Variants in SH3RF3 observed in about 807,000 individuals in gnomAD.
SH3RF3 encodes the protein E3 ubiquitin-protein ligase SH3RF3.
Under a neutral mutation model 66.3 loss-of-function variants are expected in SH3RF3, and 29 were observed. The ratio of observed to expected loss-of-function variants is 0.44; its 90% CI spans 0.33 to 0.60. SH3RF3 has a LOEUF of 0.60. Ranked by LOEUF, SH3RF3 falls within the 20% of genes least tolerant of loss-of-function variation. The pLI is 0.04. For missense variants in SH3RF3, 1,194 were observed against 1,190.9 expected, an observed-to-expected ratio of 1.00 and a Z score of -0.04; for synonymous variants, 583 against 532.0, an observed-to-expected ratio of 1.10 and a Z score of -1.32.
intron 1 of SH3RF3, among the ~76,000 whole-genome samples, chr2:109,277,763 T>C (rs1472134100): frequency 1.3e-5 from 2 of 152,196 alleles, no homozygotes; most frequent in Admixed American, 6.5e-5. Flanking sequence ...TGTGTAGGTT[T>C]TGGGAAATGA....
At position 109,437,155 on chromosome 2, in the gene SH3RF3, A is replaced by T; in HGVS notation, c.1828+9A>T. ...GAGCACCATTTCAACAGGTACCTTC[A>T]CAGGGGCCTCACCCTGCAGGGCATC... is the stretch of plus-strand genomic sequence containing the variant. On this transcript the variant is annotated intron_variant, in intron 7 of 9. Coordinates refer to ENST00000309415, the MANE Select transcript of SH3RF3 (RefSeq NM_001099289.3). The T allele has an allele frequency of 6.2e-7, 1 of 1,604,298 alleles. No homozygotes were observed. Among genetic ancestry groups the T allele is most frequent in the African/African-American group, 1.3e-5 (1 of 74,902 alleles).
At chr2:109,376,603 G>A (rs1477477861) in intron 3 of SH3RF3, among the ~76,000 whole-genome samples, 1 of 152,196 alleles carries the variant, frequency 6.6e-6, no homozygotes, top group Non-Finnish European at 1.5e-5. Context: ...GACAACATCG[G>A]TTGTCCAGGT....
At position 109,292,516 on chromosome 2, in the gene SH3RF3, C is replaced by G. The variant is rs1057251112; in HGVS notation, c.574-55158C>G. ...TCCCATGATTTCTGTAACTGTTCACCTATCCGACGTTTAGCTTGTTCCAGT... is the reference window on the plus strand; with the variant it reads ...TCCCATGATTTCTGTAACTGTTCACGTATCCGACGTTTAGCTTGTTCCAGT... On this transcript the variant is annotated intron_variant, in intron 1 of 9. Transcript: ENST00000309415. Among the ~76,000 whole-genome samples, 2 of 152,196 alleles carry G rather than the reference C, an allele frequency of 1.3e-5. 1 individual carries two copies. The highest frequency in any genetic ancestry group is 1.3e-4 in the Admixed American group (2 of 15,280).
intron 7 of SH3RF3, 77 bp from the exon 8 acceptor site, chr2:109,449,093 G>A: frequency 6.7e-7 from 1 of 1,499,286 alleles, no homozygotes; most frequent in Non-Finnish European, 9.0e-7. Flanking sequence ...GCCTGAGTGT[G>A]CATTGCAGCT....
Position 109,502,817 on chromosome 2 carries a change from A to C in SH3RF3, c.*1146A>C, listed in dbSNP as rs977981751. The C allele has an allele frequency of 6.6e-6, 1 of 152,234 alleles. No homozygotes were observed. Among genetic ancestry groups the C allele is most frequent in the Non-Finnish European group, 1.5e-5 (1 of 68,042 alleles). The allele number at this position is 152,234 out of a possible 1,614,324, so 9.4% of individuals were successfully genotyped here. The stretch of plus-strand genomic sequence containing the variant: ...GAGAACTGCAATTAGCATTCTCAGA[A>C]GATGATTTCTTGGTATCAAAATGTG... On this transcript the variant is annotated 3_prime_UTR_variant, in exon 10 of 10. Transcript: ENST00000309415.
At chr2:109,147,711 C>A (rs1251486365) in intron 1 of SH3RF3, among the ~76,000 whole-genome samples, 1 of 152,104 alleles carries the variant, frequency 6.6e-6, no homozygotes, top group Non-Finnish European at 1.5e-5. Context: ...GGTCTTAGGG[C>A]ACTTTGGTTT....
intron 1 of SH3RF3, among the ~76,000 whole-genome samples, chr2:109,251,158 A>G (rs985492519): frequency 7.9e-5 from 12 of 151,960 alleles, no homozygotes; most frequent in African/African-American, 2.9e-4. Flanking sequence ...ATCTGCCACC[A>G]TGCCTGGCTA....
intron 1 of SH3RF3, among the ~76,000 whole-genome samples, chr2:109,185,067 G>T (rs758753706): frequency 6.6e-6 from 1 of 152,150 alleles, no homozygotes; most frequent in Non-Finnish European, 1.5e-5. Context: ...GATTCCCTTT[G>T]TTGGGGCTGT....
intron 1 of SH3RF3, among the ~76,000 whole-genome samples, chr2:109,200,371 G>C (rs1166272846): frequency 2.0e-5 from 3 of 152,090 alleles, no homozygotes; most frequent in Admixed American, 2.0e-4. Context: ...GGGGTTGCCT[G>C]TGGTTTTCTG....
chr2:109,184,077 G>C (rs1678130373), intron 1 of SH3RF3, among the ~76,000 whole-genome samples: 1 of 152,210 alleles, frequency 6.6e-6, no homozygotes, highest in African/African-American at 2.4e-5. Flanking sequence ...CTGTGAACGT[G>C]GGGTGTTGAG....
intron 3 of SH3RF3, among the ~76,000 whole-genome samples, chr2:109,383,814 A>G (rs1675755356): frequency 6.6e-6 from 1 of 152,114 alleles, no homozygotes; most frequent in African/African-American, 2.4e-5. Flanking sequence ...CATCAGCCGC[A>G]TTTTCCAGAC....
intron 1 of SH3RF3, among the ~76,000 whole-genome samples, chr2:109,249,577 TTCC>T (rs1261815662): frequency 0.012 from 1,537 of 132,986 alleles, 72 homozygotes; most frequent in African/African-American, 0.044. Flanking sequence ...CCTTCCTTCC[TTCC>T]TTCCTTTCCT....
chr2:109,399,237 C>T (rs543023704), intron 4 of SH3RF3, among the ~76,000 whole-genome samples: 4 of 152,248 alleles, frequency 2.6e-5, no homozygotes, highest in East Asian at 3.9e-4. Context: ...AGCTTTTCCC[C>T]GTGTCAGTCG....
chr2:109,427,266 G>C (rs1194041030), intron 5 of SH3RF3, among the ~76,000 whole-genome samples: 1 of 152,074 alleles, frequency 6.6e-6, no homozygotes, highest in Admixed American at 6.5e-5. Flanking sequence ...ACCGTGCCTG[G>C]ACAAAGAAAA....
intron 3 of SH3RF3, among the ~76,000 whole-genome samples, chr2:109,373,349 T>C (rs1305806651): frequency 6.6e-6 from 1 of 152,192 alleles, no homozygotes; most frequent in Admixed American, 6.5e-5. Flanking sequence ...ATACCCAACA[T>C]ATACATGAAT....
intron 1 of SH3RF3, among the ~76,000 whole-genome samples, chr2:109,212,579 G>A (rs1287089119): frequency 6.6e-6 from 1 of 152,204 alleles, no homozygotes; most frequent in African/African-American, 2.4e-5. Flanking sequence ...TTGAGGAGAA[G>A]TCGGCTGACC....
intron 7 of SH3RF3, among the ~76,000 whole-genome samples, chr2:109,443,032 C>T (rs1677612264): frequency 2.0e-5 from 3 of 152,238 alleles, no homozygotes; most frequent in African/African-American, 4.8e-5. Flanking sequence ...ACAAGTTATA[C>T]ACATTCTCAT....
chr2:109,434,228 G>A (rs1677335331), intron 6 of SH3RF3, among the ~76,000 whole-genome samples: 1 of 152,230 alleles, frequency 6.6e-6, no homozygotes, highest in Non-Finnish European at 1.5e-5. Context: ...CCACACCTCT[G>A]GGCTCGCCCG....
intron 5 of SH3RF3, among the ~76,000 whole-genome samples, chr2:109,423,994 C>T (rs887399766): frequency 3.9e-5 from 6 of 152,210 alleles, no homozygotes; most frequent in Non-Finnish European, 7.3e-5. Flanking sequence ...AGGTCGGAGA[C>T]GTCTGGGCCG....
Sources: gnomAD v4.1 joint callset for allele counts (sites outside exome capture counted in the v4.1 genomes callset) on GRCh38, gnomAD v4.1.1 for gene constraint, MANE v1.5 for transcripts, NCBI Gene and HGNC (gene_info 2026-07-23, HGNC 2026-07-21) for gene names.